Variants in CACNA2D3 observed in about 807,000 individuals in gnomAD.
CACNA2D3 encodes calcium voltage-gated channel auxiliary subunit alpha2delta 3, also known as voltage-dependent calcium channel subunit alpha-2/delta-3.
In CACNA2D3, 60 loss-of-function variants were observed where a neutral mutation model predicts 160.6. That is an observed-to-expected ratio of 0.37 (90% CI 0.30 to 0.46). The LOEUF (loss-of-function observed/expected upper bound fraction) is 0.46, where lower values mean the gene tolerates loss of function less well. Ranked by LOEUF, CACNA2D3 falls within the 20% of genes least tolerant of loss-of-function variation. The pLI is 1.00. For missense variants in CACNA2D3, 1,205 were observed against 1,365.0 expected (o/e 0.88, Z 1.85); for synonymous variants, 558 against 492.9 (o/e 1.13, Z -1.75).
intron 2 of CACNA2D3, among the ~76,000 whole-genome samples, chr3:54,161,715 T>C (rs1700348172): frequency 6.6e-6 from 1 of 152,260 alleles, no homozygotes; most frequent in Non-Finnish European, 1.5e-5. Flanking sequence ...AATATCATGA[T>C]ATGAAAAGCA....
At chr3:55,063,480 A>G (rs1320989208) in intron 35 of CACNA2D3, among the ~76,000 whole-genome samples, 4 of 152,168 alleles carry the variant, frequency 2.6e-5, no homozygotes, top group Non-Finnish European at 5.9e-5. Flanking sequence ...AAAAATGCAA[A>G]ATGAAACAAA....
At chr3:54,232,336 C>T (rs944865844) in intron 2 of CACNA2D3, among the ~76,000 whole-genome samples, 2 of 152,088 alleles carry the variant, frequency 1.3e-5, no homozygotes, top group Non-Finnish European at 2.9e-5. Flanking sequence ...GTTGTGCTCA[C>T]AAGGGTTCAG....
At chr3:54,479,826 G>T (rs1258393022) in intron 4 of CACNA2D3, among the ~76,000 whole-genome samples, 1 of 152,192 alleles carries the variant, frequency 6.6e-6, no homozygotes, top group Admixed American at 6.5e-5. Flanking sequence ...AGTAAAGCAT[G>T]CTCAGTGGGC....
chr3:54,268,433 G>C (rs1290249084), intron 2 of CACNA2D3, among the ~76,000 whole-genome samples: 2 of 152,102 alleles, frequency 1.3e-5, no homozygotes, highest in East Asian at 1.9e-4. Flanking sequence ...TATTGAGATG[G>C]AGTTTCACTC....
At chr3:54,265,062 T>C (rs538030189) in intron 2 of CACNA2D3, among the ~76,000 whole-genome samples, 2 of 152,330 alleles carry the variant, frequency 1.3e-5, no homozygotes, top group South Asian at 4.1e-4. Context: ...CATGTGTCTT[T>C]ATAGTAGAAT....
intron 2 of CACNA2D3, among the ~76,000 whole-genome samples, chr3:54,237,498 T>C (rs1354523372): frequency 6.6e-6 from 1 of 152,180 alleles, no homozygotes; most frequent in Non-Finnish European, 1.5e-5. Context: ...CTTGTACAAA[T>C]GAAATACAGG....
At chr3:54,423,922 GA>G (rs1699875338) in intron 4 of CACNA2D3, among the ~76,000 whole-genome samples, 1 of 148,736 alleles carries the variant, frequency 6.7e-6, no homozygotes, top group South Asian at 2.1e-4. Flanking sequence ...GACAGGGTCT[GA>G]CTCTGTCACT....
intron 13 of CACNA2D3, among the ~76,000 whole-genome samples, chr3:54,813,332 C>A (rs962144103): frequency 6.6e-6 from 1 of 152,072 alleles, no homozygotes; most frequent in Non-Finnish European, 1.5e-5. Flanking sequence ...GAAAACATCT[C>A]CCCGGTGTGT....
At chr3:54,935,975 T>C (rs1701319028) in intron 27 of CACNA2D3, among the ~76,000 whole-genome samples, 1 of 152,198 alleles carries the variant, frequency 6.6e-6, no homozygotes, top group South Asian at 2.1e-4. Context: ...ACAGTGTTCC[T>C]GCTAAACACA....
chr3:54,605,601 C>A (rs61096307), intron 9 of CACNA2D3, among the ~76,000 whole-genome samples: 3,766 of 152,156 alleles, frequency 0.025, 165 homozygotes, highest in African/African-American at 0.085. Context: ...CTTATTGTTA[C>A]GCTATTTTAC....
At chr3:54,753,291 A>G (rs1701902532) in intron 12 of CACNA2D3, among the ~76,000 whole-genome samples, 1 of 152,218 alleles carries the variant, frequency 6.6e-6, no homozygotes, top group Admixed American at 6.5e-5. Context: ...ATGCTCTCTC[A>G]TCATTCCTAG....
At chr3:54,845,941 T>A (rs993446072) in intron 16 of CACNA2D3, among the ~76,000 whole-genome samples, 1 of 152,316 alleles carries the variant, frequency 6.6e-6, no homozygotes. Context: ...CAATTTGAGA[T>A]GGCCCCTGTG....
At chr3:54,303,436 T>C (rs1187540988) in intron 2 of CACNA2D3, among the ~76,000 whole-genome samples, 1 of 152,236 alleles carries the variant, frequency 6.6e-6, no homozygotes, top group African/African-American at 2.4e-5. Flanking sequence ...TCAGCAGAGT[T>C]TCTTGTTTGA....
At chr3:54,736,020 CATACATAT>C (rs1701498233) in intron 11 of CACNA2D3, among the ~76,000 whole-genome samples, 1 of 79,876 alleles carries the variant, frequency 1.3e-5, no homozygotes, top group East Asian at 2.5e-4. Flanking sequence ...TATATATACA[CATACATAT>C]ATATATGTAT....
At chr3:54,930,467 T>C (rs899638430) in intron 27 of CACNA2D3, among the ~76,000 whole-genome samples, 1 of 152,202 alleles carries the variant, frequency 6.6e-6, no homozygotes, top group Non-Finnish European at 1.5e-5. Flanking sequence ...AGTGGAGATA[T>C]TTAGCTGTGT....
chr3:54,744,401 A>G (rs1337470777), intron 11 of CACNA2D3, among the ~76,000 whole-genome samples: 1 of 152,150 alleles, frequency 6.6e-6, no homozygotes, highest in East Asian at 1.9e-4. Context: ...AAATGCCCCA[A>G]CCCTCATGAA....
At chr3:54,511,342 G>T (rs1019589870) in intron 5 of CACNA2D3, among the ~76,000 whole-genome samples, 25 of 152,032 alleles carry the variant, frequency 1.6e-4, no homozygotes, top group Non-Finnish European at 1.3e-4. Flanking sequence ...TTGGAGGCAG[G>T]GGCTGTGTTT....
intron 2 of CACNA2D3, among the ~76,000 whole-genome samples, chr3:54,303,417 G>A (rs984291709): frequency 1.3e-5 from 2 of 152,192 alleles, no homozygotes; most frequent in Admixed American, 1.3e-4. Flanking sequence ...TTACTAAGAA[G>A]AAATTAATTC....
At chr3:54,659,694 G>A (rs1214337139) in intron 11 of CACNA2D3, among the ~76,000 whole-genome samples, 6 of 152,210 alleles carry the variant, frequency 3.9e-5, no homozygotes, top group Non-Finnish European at 8.8e-5. Context: ...CCTTGGACAG[G>A]AAAGGCTTTC....
Sources: gnomAD v4.1 joint callset for allele counts (sites outside exome capture counted in the v4.1 genomes callset) on GRCh38, gnomAD v4.1.1 for gene constraint, MANE v1.5 for transcripts, NCBI Gene and HGNC (gene_info 2026-07-23, HGNC 2026-07-21) for gene names.